DLG2: variants seen among roughly 807,000 people sequenced by gnomAD.
The protein encoded by DLG2 is discs large MAGUK scaffold protein 2.
A neutral mutation model predicts 132.5 loss-of-function variants in DLG2; 45 were observed. That is an observed-to-expected ratio of 0.34 (90% CI 0.27 to 0.44). The LOEUF (loss-of-function observed/expected upper bound fraction) is 0.44, where lower values mean the gene tolerates loss of function less well. Among genes scored for constraint, DLG2 ranks in the 20% least tolerant of loss-of-function variants. The probability of loss-of-function intolerance (pLI) is 1.00; values close to 1 mark genes in which losing one functional copy is unlikely to be tolerated. For missense variants in DLG2, 1,045 were observed against 1,196.9 expected, an observed-to-expected ratio of 0.87 and a Z score of 1.87; for synonymous variants, 424 against 419.6, an observed-to-expected ratio of 1.01 and a Z score of -0.13.
intron 7 of DLG2, among the ~76,000 whole-genome samples, chr11:84,517,247 A>G (rs1247173011): frequency 1.3e-5 from 2 of 151,368 alleles, no homozygotes; most frequent in Admixed American, 6.6e-5. Flanking sequence ...TTCAAACTAT[A>G]TATCTGTTAA....
chr11:84,906,699 A>G (rs1482213883), intron 6 of DLG2, among the ~76,000 whole-genome samples: 3 of 152,106 alleles, frequency 2.0e-5, no homozygotes, highest in Non-Finnish European at 4.4e-5. Flanking sequence ...AAATACACAT[A>G]TTTTAGCAAA....
chr11:85,312,276 T>C (rs1218295395), intron 3 of DLG2, among the ~76,000 whole-genome samples: 1 of 151,688 alleles, frequency 6.6e-6, no homozygotes, highest in East Asian at 1.9e-4. Context: ...TATAATACCA[T>C]CCATATTACT....
intron 6 of DLG2, among the ~76,000 whole-genome samples, chr11:84,695,846 T>C (rs2058559150): frequency 6.6e-6 from 1 of 151,480 alleles, no homozygotes; most frequent in Non-Finnish European, 1.5e-5. Flanking sequence ...TGATACAAGA[T>C]TGACCTTACC....
chr11:83,634,019 A>G (rs1482206440), intron 18 of DLG2, among the ~76,000 whole-genome samples: 1 of 152,090 alleles, frequency 6.6e-6, no homozygotes, highest in Non-Finnish European at 1.5e-5. Flanking sequence ...GGTATTGAGG[A>G]GAGACTCTAG....
chr11:84,124,111 G>A (rs529709359), intron 9 of DLG2, among the ~76,000 whole-genome samples: 27 of 152,350 alleles, frequency 1.8e-4, no homozygotes, highest in African/African-American at 6.5e-4. Flanking sequence ...AACCTCAGGT[G>A]ATAGATGGTA....
chr11:85,111,160 A>C (rs574385563), intron 6 of DLG2, among the ~76,000 whole-genome samples: 3 of 152,214 alleles, frequency 2.0e-5, no homozygotes, highest in African/African-American at 7.2e-5. Flanking sequence ...AAGGATAATG[A>C]CATAGTACCT....
intron 11 of DLG2, among the ~76,000 whole-genome samples, chr11:84,028,891 G>A (rs2095614764): frequency 6.6e-6 from 1 of 152,048 alleles, no homozygotes; most frequent in Non-Finnish European, 1.5e-5. Context: ...CCAGTAGGGT[G>A]TGAGCCTCTT....
intron 6 of DLG2, among the ~76,000 whole-genome samples, chr11:84,814,020 T>G (rs553324822): frequency 2.0e-5 from 3 of 152,144 alleles, no homozygotes; most frequent in Non-Finnish European, 2.9e-5. Flanking sequence ...AGTAACCCCT[T>G]AGGAGAAATA....
chr11:84,504,103 C>T (rs2099231085), intron 7 of DLG2, among the ~76,000 whole-genome samples: 1 of 152,140 alleles, frequency 6.6e-6, no homozygotes, highest in African/African-American at 2.4e-5. Context: ...ATAGACCAAA[C>T]TGTACATGTG....
At chr11:85,575,558 A>G (rs969146207) in intron 3 of DLG2, among the ~76,000 whole-genome samples, 57 of 151,546 alleles carry the variant, frequency 3.8e-4, no homozygotes, top group African/African-American at 1.2e-3. Context: ...AAAAAAAAAA[A>G]TAGTGACTGA....
intron 6 of DLG2, among the ~76,000 whole-genome samples, chr11:84,633,318 CA>C (rs2099635305): frequency 6.6e-6 from 1 of 152,086 alleles, no homozygotes; most frequent in Admixed American, 6.6e-5. Context: ...TCATTTCAGC[CA>C]CACTTAACTA....
At chr11:84,445,530 T>C (rs1307628477) in intron 7 of DLG2, among the ~76,000 whole-genome samples, 3 of 152,176 alleles carry the variant, frequency 2.0e-5, no homozygotes, top group Non-Finnish European at 4.4e-5. Context: ...TTTTTTTGCC[T>C]TTCTTGAACT....
chr11:83,552,695 G>A (rs1565769437), intron 19 of DLG2, among the ~76,000 whole-genome samples: 1 of 152,080 alleles, frequency 6.6e-6, no homozygotes, highest in African/African-American at 2.4e-5. Context: ...CCCTTCCTAA[G>A]TCTCATTGGA....
intron 7 of DLG2, among the ~76,000 whole-genome samples, chr11:84,504,775 C>A (rs926910024): frequency 3.3e-5 from 5 of 152,058 alleles, no homozygotes; most frequent in Admixed American, 6.5e-5. Flanking sequence ...ACAGTTTGAC[C>A]TTTAGCTGAT....
At chr11:85,425,511 A>T (rs1264623906) in intron 3 of DLG2, among the ~76,000 whole-genome samples, 1 of 152,198 alleles carries the variant, frequency 6.6e-6, no homozygotes, top group Non-Finnish European at 1.5e-5. Flanking sequence ...ATTACTGGTA[A>T]CACTTTAAAT....
At chr11:84,532,616 C>T (rs1013574138) in intron 7 of DLG2, among the ~76,000 whole-genome samples, 3 of 152,094 alleles carry the variant, frequency 2.0e-5, no homozygotes, top group African/African-American at 7.2e-5. Flanking sequence ...TCACCTCAGA[C>T]TCCTCCATAC....
intron 6 of DLG2, among the ~76,000 whole-genome samples, chr11:85,063,151 C>T (rs2064360768): frequency 6.6e-6 from 1 of 151,830 alleles, no homozygotes; most frequent in Non-Finnish European, 1.5e-5. Context: ...GTGTTAGCCG[C>T]TAAGGCTTAC....
At chr11:84,796,767 T>C (rs547927951) in intron 6 of DLG2, among the ~76,000 whole-genome samples, 3 of 152,114 alleles carry the variant, frequency 2.0e-5, no homozygotes, top group African/African-American at 7.2e-5. Context: ...TTACCAGACA[T>C]ATTGGAGCTC....
chr11:84,586,648 A>AT (rs1168136819), intron 6 of DLG2, among the ~76,000 whole-genome samples: 1 of 151,838 alleles, frequency 6.6e-6, no homozygotes, highest in Admixed American at 6.6e-5. Flanking sequence ...TTTCTATATT[A>AT]TTTTTTGTTT....
Sources: allele counts gnomAD v4.1 joint callset (sites outside exome capture counted in the v4.1 genomes callset), GRCh38; gene constraint gnomAD v4.1.1; transcripts MANE v1.5; gene names NCBI Gene and HGNC (gene_info 2026-07-23, HGNC 2026-07-21).